The following AKR1C3 variants were observed in gnomAD, a reference collection of about 807,000 sequenced individuals.
AKR1C3 encodes the protein 3-alpha hydroxysteroid dehydrogenase, type II.
A neutral mutation model predicts 43.6 loss-of-function variants in AKR1C3; 48 were observed. The observed-to-expected ratio is 1.10, with a 90% confidence interval of 0.87 to 1.40. The LOEUF (loss-of-function observed/expected upper bound fraction) is 1.40, where lower values mean the gene tolerates loss of function less well. Among genes scored for constraint, AKR1C3 ranks in the 40% most tolerant of loss-of-function variants. AKR1C3 has a pLI of 0.00. For missense variants in AKR1C3, 482 were observed against 391.2 expected, an observed-to-expected ratio of 1.23 and a Z score of -1.96; for synonymous variants, 162 against 139.6, an observed-to-expected ratio of 1.16 and a Z score of -1.13.
chr10:5,099,569 CA>C, intron 5 of AKR1C3, 120 bp downstream of exon 5: 1 of 1,515,274 alleles, frequency 6.6e-7, no homozygotes, highest in East Asian at 2.3e-5. Flanking sequence ...ATCTAGAGAG[CA>C]AAGCTTCTGT....
intron 1 of AKR1C3, among the ~76,000 whole-genome samples, chr10:5,060,828 C>T (rs1467094385): frequency 6.6e-6 from 1 of 152,214 alleles, no homozygotes; most frequent in African/African-American, 2.4e-5. Flanking sequence ...TGAGCCCTGC[C>T]CTGTGGGGAG....
At chr10:5,066,069 C>T (rs547910784) in intron 1 of AKR1C3, among the ~76,000 whole-genome samples, 1 of 152,248 alleles carries the variant, frequency 6.6e-6, no homozygotes, top group Non-Finnish European at 1.5e-5. Flanking sequence ...GCTAGATGGT[C>T]TCTAGGTGAG....
chr10:5,063,486 A>AGT (rs1334973373), intron 1 of AKR1C3, among the ~76,000 whole-genome samples: 6 of 152,080 alleles, frequency 3.9e-5, no homozygotes, highest in Non-Finnish European at 5.9e-5. Flanking sequence ...AGCTATAGAG[A>AGT]GTGGGAAACA....
At chr10:5,087,048 G>A (rs1838982371) in intron 1 of AKR1C3, among the ~76,000 whole-genome samples, 1 of 152,106 alleles carries the variant, frequency 6.6e-6, no homozygotes, top group South Asian at 2.1e-4. Flanking sequence ...CTTTTAATTG[G>A]AGCATTTAGA....
intron 1 of AKR1C3, among the ~76,000 whole-genome samples, chr10:5,079,378 G>T (rs1198499693): frequency 2.0e-5 from 3 of 152,170 alleles, no homozygotes; most frequent in Admixed American, 6.5e-5. Context: ...CAGAGAGGCT[G>T]CAGACACAGA....
chr10:5,064,921 CA>C (rs35858845), intron 1 of AKR1C3, among the ~76,000 whole-genome samples: 1 of 141,884 alleles, frequency 7.0e-6, no homozygotes, highest in Admixed American at 7.0e-5. Context: ...ACAAAATAAG[CA>C]AAAAAAAAAA....
chr10:5,107,639 T>A lies in AKR1C3; in HGVS notation c.*136T>A. 1 of 642,740 alleles carries A rather than the reference T, an allele frequency of 1.6e-6. No individual in the cohort carries two copies. The highest frequency in any genetic ancestry group is 2.7e-6 in the Non-Finnish European group (1 of 364,488). The allele number at this position is 642,740 out of a possible 1,614,324, so 39.8% of individuals were successfully genotyped here. A position where few individuals can be genotyped will look rare whatever the true frequency, so the allele number is the denominator to read the frequency against. Reference sequence around the variant, plus strand: ...TTTAGCGACTTCAGTCAACTACAGCTGAGTCCATAGGCCAGAAAGACAATA... The same window carrying A: ...TTTAGCGACTTCAGTCAACTACAGCAGAGTCCATAGGCCAGAAAGACAATA... On this transcript the variant is annotated 3_prime_UTR_variant, in exon 9 of 9. Transcript: ENST00000380554.
Position 5,102,310 on chromosome 10 carries a change from A to G in AKR1C3, c.680+100A>G, listed in dbSNP as rs533582414. On this transcript the variant is annotated intron_variant, in intron 6 of 8. Transcript: ENST00000380554. The stretch of plus-strand genomic sequence containing the variant: ...CCTGTAGTTAAGTTTCAAGTGGCTC[A>G]TGGAGAGGAAAGAGAATTGCATTTC... The G allele has an allele frequency of 4.9e-5, 77 of 1,583,946 alleles. No homozygotes were observed. In the African/African-American group the frequency reaches 7.6e-4, roughly 16 times the overall value.
intron 7 of AKR1C3, among the ~76,000 whole-genome samples, chr10:5,102,951 T>G (rs1447815344): frequency 2.6e-5 from 4 of 151,834 alleles, no homozygotes; most frequent in Non-Finnish European, 5.9e-5. Flanking sequence ...TTTTGGTTTT[T>G]TTTTTTTGAG....
chr10:5,070,470 ACT>A (rs1485936983), intron 1 of AKR1C3, among the ~76,000 whole-genome samples: 3 of 152,184 alleles, frequency 2.0e-5, no homozygotes, highest in East Asian at 3.9e-4. Flanking sequence ...GGGTTTAAAT[ACT>A]CTCTAGGGAT....
chr10:5,097,470 CCAGCCT>C lies in AKR1C3; in HGVS notation c.290_295del (p.Pro97_Ala98del), dbSNP rs1554785313. On this transcript the variant is annotated inframe_deletion, in exon 3 of 9. Transcript: ENST00000380554. ...TTTTCATCGACCAGAGTTGGTCCGA[CCAGCCT>C]TGGAAAACTCACTGAAGAAAGCTCA... 1 of 1,613,736 alleles carries C rather than the reference CCAGCCT, an allele frequency of 6.2e-7. No individual in the cohort carries two copies. Among genetic ancestry groups the C allele is most frequent in the East Asian group, 2.2e-5 (1 of 44,886 alleles).
intron 1 of AKR1C3, among the ~76,000 whole-genome samples, chr10:5,070,508 C>T (rs1288364293): frequency 1.3e-5 from 2 of 152,074 alleles, no homozygotes; most frequent in Non-Finnish European, 2.9e-5. Flanking sequence ...GGTGTACACA[C>T]TATGTAAATG....
chr10:5,060,819 G>A (rs1253430439), intron 1 of AKR1C3, among the ~76,000 whole-genome samples: 20 of 152,208 alleles, frequency 1.3e-4, no homozygotes, highest in African/African-American at 4.3e-4. Context: ...TGCAGATCCT[G>A]AGCCCTGCCC....
intron 1 of AKR1C3, among the ~76,000 whole-genome samples, chr10:5,084,155 G>C (rs1480239012): frequency 6.6e-6 from 1 of 152,192 alleles, no homozygotes; most frequent in Non-Finnish European, 1.5e-5. Flanking sequence ...CCTTGCCCAA[G>C]CCTATGTCCT....
chr10:5,081,532 C>T (rs1367556485), intron 1 of AKR1C3: 2 of 152,144 alleles, frequency 1.3e-5, no homozygotes, highest in African/African-American at 4.8e-5. Context: ...TGGTTAATGA[C>T]ATAATTTTAC....
At chr10:5,050,217 G>T (rs2131767675) in intron 1 of AKR1C3, among the ~76,000 whole-genome samples, 1 of 152,120 alleles carries the variant, frequency 6.6e-6, no homozygotes, top group East Asian at 1.9e-4. Context: ...TTTTCTCTTT[G>T]GATGTTTGCA....
chr10:5,095,065 T>C (rs1362054416), intron 1 of AKR1C3, among the ~76,000 whole-genome samples: 10 of 150,556 alleles, frequency 6.6e-5, no homozygotes, highest in Non-Finnish European at 1.5e-4. Context: ...AAGAACTTCC[T>C]GAAAGAAAAA....
At chr10:5,086,869 G>C (rs1554783165) in intron 1 of AKR1C3, among the ~76,000 whole-genome samples, 3 of 152,110 alleles carry the variant, frequency 2.0e-5, no homozygotes, top group African/African-American at 4.8e-5. Flanking sequence ...TTGGTTTAAA[G>C]TCTGTTTTAT....
chr10:5,075,991 G>A (rs1838709312), intron 1 of AKR1C3, among the ~76,000 whole-genome samples: 1 of 152,096 alleles, frequency 6.6e-6, no homozygotes, highest in Non-Finnish European at 1.5e-5. Flanking sequence ...GAGCTGCACT[G>A]GTTTCTGAGC....
Sources: gnomAD v4.1 joint callset for allele counts (sites outside exome capture counted in the v4.1 genomes callset) on GRCh38, gnomAD v4.1.1 for gene constraint, MANE v1.5 for transcripts, NCBI Gene and HGNC (gene_info 2026-07-23, HGNC 2026-07-21) for gene names.